Variants in AKAP13 observed in about 807,000 individuals in gnomAD.
The protein encoded by AKAP13 is A-kinase anchor protein 13.
Under a neutral mutation model 264.5 loss-of-function variants are expected in AKAP13, and 80 were observed. That is an observed-to-expected ratio of 0.30 (90% CI 0.25 to 0.36). AKAP13 has a LOEUF of 0.36. AKAP13 is among the 10% of genes least tolerant of loss of function. The pLI, the probability that AKAP13 is intolerant of heterozygous loss-of-function variation, is 1.00. For missense variants in AKAP13, 3,712 were observed against 3,435.2 expected, an observed-to-expected ratio of 1.08 and a Z score of -2.01; for synonymous variants, 1,380 against 1,250.2, an observed-to-expected ratio of 1.10 and a Z score of -2.19.
intron 12 of AKAP13, 66 bp downstream of exon 12, chr15:85,658,656 A>C: frequency 8.3e-4 from 1,147 of 1,381,858 alleles, no homozygotes; most frequent in Non-Finnish European, 1.1e-3. Flanking sequence ...CAAGCATCTC[A>C]TTCTGCTTAA....
chr15:85,531,699 C>A (rs1434924621), intron 3 of AKAP13, among the ~76,000 whole-genome samples: 1 of 152,218 alleles, frequency 6.6e-6, no homozygotes, highest in Non-Finnish European at 1.5e-5. Flanking sequence ...TGCACACACA[C>A]ACCAGGCAGC....
intron 5 of AKAP13, among the ~76,000 whole-genome samples, chr15:85,557,308 A>G (rs1221018477): frequency 6.6e-6 from 1 of 152,222 alleles, no homozygotes; most frequent in African/African-American, 2.4e-5. Flanking sequence ...GGAAGATTAA[A>G]TAAGATATTT....
intron 1 of AKAP13, among the ~76,000 whole-genome samples, chr15:85,444,949 G>A (rs565837906): frequency 6.6e-6 from 1 of 152,042 alleles, no homozygotes; most frequent in Non-Finnish European, 1.5e-5. Context: ...GAATTAAGGC[G>A]GAAAGAAGTT....
intron 1 of AKAP13, among the ~76,000 whole-genome samples, chr15:85,442,481 AATAT>A (rs1281010844): frequency 1.3e-4 from 15 of 117,102 alleles, no homozygotes; most frequent in Admixed American, 2.8e-4. Flanking sequence ...TATATTATAT[AATAT>A]ATATAATATA....
intron 4 of AKAP13, among the ~76,000 whole-genome samples, chr15:85,538,411 T>C (rs933668126): frequency 6.6e-6 from 1 of 152,172 alleles, no homozygotes; most frequent in Non-Finnish European, 1.5e-5. Context: ...ACATCTGATA[T>C]TGGTTAATAG....
rs2089376226 is a variant in AKAP13 at position 85,746,620 on chromosome 15, T to G, written c.*1943T>G. On this transcript the variant is annotated 3_prime_UTR_variant, in exon 37 of 37. Coordinates refer to ENST00000394518, the MANE Select transcript of AKAP13 (RefSeq NM_007200.5). ...ACCAAAGGCCAAAACCTGCTGATTT[T>G]TCTATTGAAAATATGTCCCCTTGCA... 2.6e-5 allele frequency: 4 copies of G among 152,348 alleles called. No homozygotes were observed. In the South Asian group the frequency reaches 8.3e-4, roughly 32 times the overall value. The allele number at this position is 152,348 out of a possible 1,614,324, so 9.4% of individuals were successfully genotyped here.
chr15:85,465,009 C>T (rs527612364), intron 1 of AKAP13, among the ~76,000 whole-genome samples: 1 of 152,076 alleles, frequency 6.6e-6, no homozygotes, highest in South Asian at 2.1e-4. Context: ...GGCACGATCT[C>T]GGCTCACTGC....
chr15:85,700,388 C>T (rs1035303141), intron 17 of AKAP13, among the ~76,000 whole-genome samples: 1 of 152,186 alleles, frequency 6.6e-6, no homozygotes, highest in Non-Finnish European at 1.5e-5. Flanking sequence ...AGTTATTAGA[C>T]TCCTTATGCT....
At chr15:85,623,792 A>G (rs1449230136) in intron 8 of AKAP13, among the ~76,000 whole-genome samples, 1 of 152,200 alleles carries the variant, frequency 6.6e-6, no homozygotes, top group Non-Finnish European at 1.5e-5. Flanking sequence ...ACATTCCCCC[A>G]GTTCTCCTTT....
intron 3 of AKAP13, among the ~76,000 whole-genome samples, chr15:85,530,763 C>T (rs144018294): frequency 6.6e-6 from 1 of 152,302 alleles, no homozygotes; most frequent in African/African-American, 2.4e-5. Context: ...ACATACGTAT[C>T]ACTCCATCCA....
intron 14 of AKAP13, among the ~76,000 whole-genome samples, chr15:85,670,325 A>G (rs1567185625): frequency 1.3e-5 from 2 of 151,922 alleles, no homozygotes; most frequent in Non-Finnish European, 2.9e-5. Context: ...AATTTAGTGT[A>G]TATTTCCTAA....
At chr15:85,682,092 A>G in intron 14 of AKAP13, 66 bp from the exon 15 acceptor site, 3 of 1,443,020 alleles carry the variant, frequency 2.1e-6, no homozygotes, top group South Asian at 2.3e-5. Context: ...GTGAATTTAT[A>G]AATATTCTAC....
Position 85,645,867 on chromosome 15 carries a change from A to G in AKAP13, c.4287A>G (p.Lys1429=), listed in dbSNP as rs2082539545. The G allele has an allele frequency of 6.2e-7, 1 of 1,613,534 alleles. No homozygotes were observed. The highest frequency in any genetic ancestry group is 8.5e-7 in the Non-Finnish European group (1 of 1,179,960). ...DVGLGRECTS[K]QGVLKRESGS... is the part of the protein sequence containing the mutation. ...GACTGGGCAGAGAGTGTACCTCAAA[A>G]CAAGGTGTACTTAAAAGAGAATCTG... is the stretch of plus-strand genomic sequence containing the variant. Residue 1429 remains lysine (K), a synonymous_variant, in exon 10 of 37, where the codon AAA becomes AAG. Coordinates refer to ENST00000394518, the MANE Select transcript of AKAP13 (RefSeq NM_007200.5).
chr15:85,695,416 A>T (rs867113799), intron 17 of AKAP13, among the ~76,000 whole-genome samples: 1 of 152,108 alleles, frequency 6.6e-6, no homozygotes, highest in Non-Finnish European at 1.5e-5. Flanking sequence ...AAAAACACAC[A>T]CAAAAAAACG....
rs373244282 is a variant in AKAP13 at position 85,708,059 on chromosome 15, A to G, written c.5505A>G (p.Leu1835=). ...AFVHKGCRES[L]ASCAKVKMKQ... The stretch of plus-strand genomic sequence containing the variant: ...TCCACAAAGGCTGCCGAGAAAGTCT[A>G]GCCTCCTGTGCAAAGGTCAAAATGA... Residue 1835 remains leucine, a synonymous_variant, in exon 18 of 37, where the codon CTA becomes CTG. Transcript: ENST00000394518. The surrounding 1 kb of genome is among the most constrained non-coding windows in gnomAD (Gnocchi z 4.3). 50 of 1,613,958 alleles carry G rather than the reference A, an allele frequency of 3.1e-5. 1 individual carries two copies. The South Asian group carries it at 5.2e-4, about 17-fold the overall frequency.
At chr15:85,636,022 A>C (rs1322638022) in intron 8 of AKAP13, among the ~76,000 whole-genome samples, 1 of 152,158 alleles carries the variant, frequency 6.6e-6, no homozygotes, top group Non-Finnish European at 1.5e-5. Context: ...GACAATTAAC[A>C]ACTGTATTGA....
At chr15:85,538,490 C>CTT (rs1056287024) in intron 4 of AKAP13, among the ~76,000 whole-genome samples, 169 of 139,054 alleles carry the variant, frequency 1.2e-3, no homozygotes, top group South Asian at 4.9e-3. Flanking sequence ...GCTTTTCTTT[C>CTT]TTTTTTTTTT....
intron 24 of AKAP13, 28 bp downstream of exon 24, chr15:85,722,144 G>C (rs199979639): frequency 6.2e-7 from 1 of 1,612,768 alleles, no homozygotes; most frequent in South Asian, 1.1e-5. Flanking sequence ...GAAAATCCCC[G>C]TTATTGTTGA....
chr15:85,551,944 A>G (rs1312692572), intron 5 of AKAP13, among the ~76,000 whole-genome samples: 1 of 152,224 alleles, frequency 6.6e-6, no homozygotes, highest in Admixed American at 6.5e-5. Flanking sequence ...TGAACATTTT[A>G]CCTGCATTTA....
Sources: gnomAD v4.1 joint callset for allele counts (sites outside exome capture counted in the v4.1 genomes callset) on GRCh38, gnomAD v4.1.1 for gene constraint, Gnocchi (gnomAD v3.1) non-coding constraint, MANE v1.5 for transcripts, NCBI Gene and HGNC (gene_info 2026-07-23, HGNC 2026-07-21) for gene names.